MATN2: variants seen among roughly 807,000 people sequenced by gnomAD.
The protein encoded by MATN2 is matrilin 2.
Under a neutral mutation model 103.2 loss-of-function variants are expected in MATN2, and 69 were observed. The ratio of observed to expected loss-of-function variants is 0.67; its 90% CI spans 0.55 to 0.82. The LOEUF (loss-of-function observed/expected upper bound fraction) is 0.82, where lower values mean the gene tolerates loss of function less well. Ranked by LOEUF, MATN2 falls within the 40% of genes least tolerant of loss-of-function variation. The pLI is 0.00. For synonymous variants in MATN2, 429 were observed against 450.2 expected, an observed-to-expected ratio of 0.95 and a Z score of 0.60; for missense variants, 1,023 against 1,211.5, an observed-to-expected ratio of 0.84 and a Z score of 2.31.
chr8:97,984,803 C>T (rs1355467041), intron 6 of MATN2, among the ~76,000 whole-genome samples: 3 of 151,814 alleles, frequency 2.0e-5, no homozygotes, highest in Non-Finnish European at 4.4e-5. Flanking sequence ...ATAAATTAAA[C>T]AGACCAAAAA....
chr8:97,955,610 G>C (rs577438466), intron 4 of MATN2, among the ~76,000 whole-genome samples: 10 of 152,338 alleles, frequency 6.6e-5, no homozygotes, highest in African/African-American at 2.4e-4. Flanking sequence ...AAGGGAGGCT[G>C]TCAAGTCAAC....
intron 2 of MATN2, among the ~76,000 whole-genome samples, chr8:97,928,506 G>A (rs558676064): frequency 4.5e-4 from 68 of 152,148 alleles, no homozygotes; most frequent in Non-Finnish European, 7.6e-4. Flanking sequence ...GATTACAGGC[G>A]TGAGCCACTG....
At chr8:98,015,667 G>C (rs1374300028) in intron 10 of MATN2, among the ~76,000 whole-genome samples, 2 of 152,126 alleles carry the variant, frequency 1.3e-5, no homozygotes, top group African/African-American at 4.8e-5. Context: ...CAGCCCAGTA[G>C]CCACTCTCCA....
chr8:97,976,584 T>A (rs1015385266), intron 5 of MATN2, among the ~76,000 whole-genome samples: 4 of 152,216 alleles, frequency 2.6e-5, no homozygotes, highest in African/African-American at 9.6e-5. Flanking sequence ...CTTTTGTAGA[T>A]TCTATTTCCT....
At chr8:97,888,036 A>G in intron 1 of MATN2, 39 bp from the exon 2 acceptor site, 1 of 1,566,876 alleles carries the variant, frequency 6.4e-7, no homozygotes, top group Non-Finnish European at 8.6e-7. Flanking sequence ...AGACCCGGAA[A>G]TCTCACCCTG....
intron 2 of MATN2, among the ~76,000 whole-genome samples, chr8:97,890,188 C>T (rs549975113): frequency 2.6e-5 from 4 of 152,184 alleles, no homozygotes; most frequent in East Asian, 1.9e-4. Flanking sequence ...TGGAGTGGGC[C>T]GGACATGGTG....
chr8:98,021,022 CT>C (rs1163430143), intron 12 of MATN2, 182 bp from the exon 13 acceptor site: 23 of 515,590 alleles, frequency 4.5e-5, no homozygotes, highest in Non-Finnish European at 3.5e-6. Context: ...GGAGCTAGAG[CT>C]TTCTGAGAGG....
chr8:97,876,992 T>G (rs1818095691), intron 1 of MATN2, among the ~76,000 whole-genome samples: 1 of 146,916 alleles, frequency 6.8e-6, no homozygotes, highest in South Asian at 2.2e-4. Context: ...TTGAGATTGT[T>G]TCCATTCACA....
intron 18 of MATN2, among the ~76,000 whole-genome samples, chr8:98,035,441 T>TA (rs1350658587): frequency 0.011 from 1,611 of 143,014 alleles, 20 homozygotes; most frequent in African/African-American, 0.029. Context: ...TTGCTGATGT[T>TA]AAAAAAAAAA....
Position 98,007,507 on chromosome 8 carries a change from T to G in MATN2, c.1479T>G (p.His493Gln), listed in dbSNP as rs754053879. Reference sequence around the variant, plus strand: ...TGGATTACTGCCTGCTGAGTGACCATGGTTGTGAATACTCCTGTGTCAACA... The same window carrying G: ...TGGATTACTGCCTGCTGAGTGACCAGGGTTGTGAATACTCCTGTGTCAACA... ...SRVDYCLLSD[H>Q]GCEYSCVNMD... Residue 493 changes from histidine to glutamine, a missense_variant, in exon 10 of 19, where the codon CAT (histidine) becomes CAG (glutamine). Coordinates refer to ENST00000254898, the MANE Select transcript of MATN2 (RefSeq NM_002380.5). The surrounding 1 kb of genome is among the most constrained non-coding windows in gnomAD (Gnocchi z 4.2). 1.2e-6 allele frequency: 2 copies of G among 1,613,154 alleles called. No homozygotes were observed. Among genetic ancestry groups the G allele is most frequent in the East Asian group, 4.5e-5 (2 of 44,834 alleles).
chr8:98,013,786 A>T (rs1331409534), intron 10 of MATN2, among the ~76,000 whole-genome samples: 1 of 152,250 alleles, frequency 6.6e-6, no homozygotes, highest in Non-Finnish European at 1.5e-5. Context: ...GTATGCCTTC[A>T]CATTGTACAT....
chr8:97,991,721 CAAAAAA>C (rs140017044), intron 6 of MATN2, among the ~76,000 whole-genome samples: 1 of 138,224 alleles, frequency 7.2e-6, no homozygotes, highest in Non-Finnish European at 1.6e-5. Context: ...GACTCTATCT[CAAAAAA>C]AAAAAAAAAT....
intron 4 of MATN2, 99 bp downstream of exon 4, chr8:97,941,998 C>A: frequency 1.4e-6 from 2 of 1,428,058 alleles, no homozygotes; most frequent in Non-Finnish European, 1.9e-6. Flanking sequence ...GATGCCTCAC[C>A]CACCCCAGTT....
intron 1 of MATN2, among the ~76,000 whole-genome samples, chr8:97,882,403 T>C (rs1223235729): frequency 2.0e-5 from 3 of 152,056 alleles, no homozygotes; most frequent in African/African-American, 7.2e-5. Context: ...CTTTTTTTCT[T>C]TTTTTTGAGG....
In MATN2 at chr8:98,021,334, G is replaced by C; in HGVS notation, c.1942+7G>C. On this transcript the variant is annotated splice_region_variant and intron_variant, in intron 13 of 18. Coordinates refer to ENST00000254898, the MANE Select transcript of MATN2 (RefSeq NM_002380.5). ...GACGGAAGACGGTGCAAGAGTAAGTGATCTGAACTTGGCTCTCTGCTTTAA... is the reference window on the plus strand; with the variant it reads ...GACGGAAGACGGTGCAAGAGTAAGTCATCTGAACTTGGCTCTCTGCTTTAA... 6.2e-7 allele frequency: 1 copy of C among 1,611,782 alleles called. No homozygotes were observed. Among genetic ancestry groups the C allele is most frequent in the Non-Finnish European group, 8.5e-7 (1 of 1,178,862 alleles).
chr8:97,925,652 G>C (rs1053702467), intron 2 of MATN2, among the ~76,000 whole-genome samples: 1 of 152,118 alleles, frequency 6.6e-6, no homozygotes, highest in Non-Finnish European at 1.5e-5. Flanking sequence ...GTATTGTAAG[G>C]TATTATTATC....
At chr8:97,947,933 A>T (rs1810807867) in intron 4 of MATN2, among the ~76,000 whole-genome samples, 1 of 152,228 alleles carries the variant, frequency 6.6e-6, no homozygotes, top group Admixed American at 6.5e-5. Context: ...TCCAATCACA[A>T]CATTCATCAA....
chr8:97,966,748 A>G (rs117656285), intron 5 of MATN2, among the ~76,000 whole-genome samples: 2 of 152,222 alleles, frequency 1.3e-5, no homozygotes, highest in Non-Finnish European at 2.9e-5. Context: ...ACTTCCAGTT[A>G]TTTTCTATTT....
intron 17 of MATN2, 57 bp from the exon 18 acceptor site, chr8:98,033,504 T>C: frequency 1.1e-6 from 1 of 879,324 alleles, no homozygotes; most frequent in Non-Finnish European, 1.7e-6. Flanking sequence ...CCTATTATTA[T>C]GCGTCTGGGA....
Sources: gnomAD v4.1 joint callset for allele counts (sites outside exome capture counted in the v4.1 genomes callset) on GRCh38, gnomAD v4.1.1 for gene constraint, Gnocchi (gnomAD v3.1) non-coding constraint, MANE v1.5 for transcripts, NCBI Gene and HGNC (gene_info 2026-07-23, HGNC 2026-07-21) for gene names.